The following RNF38 variants were observed in gnomAD, a reference collection of about 807,000 sequenced individuals.
The protein encoded by RNF38 is E3 ubiquitin-protein ligase RNF38.
Under a neutral mutation model 67.2 loss-of-function variants are expected in RNF38, and 15 were observed. The observed-to-expected ratio is 0.22, with a 90% CI of 0.15 to 0.34. RNF38 has a LOEUF of 0.34. Among genes scored for constraint, RNF38 ranks in the 10% least tolerant of loss-of-function variants. The pLI is 1.00. For synonymous variants in RNF38, 220 were observed against 218.8 expected (o/e 1.01, Z -0.05); for missense variants, 524 against 639.9 (o/e 0.82, Z 1.95).
chr9:36,370,859 A>C (rs1414127203), intron 3 of RNF38, among the ~76,000 whole-genome samples: 2 of 152,080 alleles, frequency 1.3e-5, no homozygotes, highest in Admixed American at 6.5e-5. Flanking sequence ...TAGTGAGCTG[A>C]GATCACGCCA....
At chr9:36,483,329 T>C (rs1384029854) in intron 1 of RNF38, among the ~76,000 whole-genome samples, 3 of 151,928 alleles carry the variant, frequency 2.0e-5, no homozygotes, top group Non-Finnish European at 4.4e-5. Flanking sequence ...GAGGCTGCAG[T>C]GAGCCGAGAT....
rs1465948869 is a variant in RNF38 at position 36,356,442 on chromosome 9, G to C, written c.770C>G (p.Pro257Arg). Residue 257 changes from proline to arginine, a missense_variant, in exon 6 of 12, where the codon CCA becomes CGA. Physicochemically the swap from Pro to Arg is moderately radical, Grantham distance 103. Transcript: ENST00000259605. ...GGGTGGGAATGCAGCATATGGTACT[G>C]GTAAGTGCTGAACTGAACATGCCTG... ...MLQACSVQHL[P>R]VPYAAFPPLI... is the part of the protein sequence containing the mutation. 6.2e-7 allele frequency: 1 copy of C among 1,612,574 alleles called. No homozygotes were observed. The highest frequency in any genetic ancestry group is 8.5e-7 in the Non-Finnish European group (1 of 1,179,330).
intron 4 of RNF38, among the ~76,000 whole-genome samples, chr9:36,365,210 G>A (rs755850938): frequency 1.6e-4 from 19 of 120,630 alleles, no homozygotes; most frequent in South Asian, 9.5e-4. Context: ...ATTATGTGCC[G>A]CTTTTAAGAA....
chr9:36,479,931 C>T (rs562567491), intron 1 of RNF38, among the ~76,000 whole-genome samples: 183 of 152,252 alleles, frequency 1.2e-3, no homozygotes, highest in Non-Finnish European at 2.1e-3. Context: ...AAGACCCTGT[C>T]TCTTTAAGTA....
chr9:36,443,937 C>A (rs751441527), intron 1 of RNF38, among the ~76,000 whole-genome samples: 8 of 152,162 alleles, frequency 5.3e-5, no homozygotes, highest in Admixed American at 1.3e-4. Flanking sequence ...AGTCACTCGA[C>A]AGAACCAAGC....
At chr9:36,449,299 C>T (rs1350571136) in intron 1 of RNF38, among the ~76,000 whole-genome samples, 2 of 151,936 alleles carry the variant, frequency 1.3e-5, no homozygotes, top group African/African-American at 4.8e-5. Context: ...GGTATGGTAG[C>T]ACACACCTAT....
Position 36,390,854 on chromosome 9 carries a change from C to G in RNF38, c.13-238G>C, listed in dbSNP as rs1002833995. Among the ~76,000 whole-genome samples, 4 of 152,342 alleles carry G rather than the reference C, an allele frequency of 2.6e-5. No homozygotes were observed. The South Asian group carries it at 6.2e-4, about 24-fold the overall frequency. On this transcript the variant is annotated intron_variant, in intron 1 of 11. Transcript: ENST00000259605. ...AAAACAGCACAGCCCAAGAACACCA[C>G]GTCCTTCCTGTTTCCCAAATACCTA...
intron 4 of RNF38, among the ~76,000 whole-genome samples, chr9:36,365,489 A>C (rs1348443710): frequency 1.3e-5 from 2 of 151,960 alleles, no homozygotes; most frequent in African/African-American, 4.8e-5. Flanking sequence ...AATCGCTTGA[A>C]ATGGAAAGGT....
chr9:36,393,354 G>A (rs1281528591), intron 1 of RNF38, among the ~76,000 whole-genome samples: 1 of 152,080 alleles, frequency 6.6e-6, no homozygotes, highest in African/African-American at 2.4e-5. Context: ...GTCTTAAAAA[G>A]GATGGACCAA....
At chr9:36,387,620 C>T (rs1450513938) in intron 2 of RNF38, among the ~76,000 whole-genome samples, 1 of 152,016 alleles carries the variant, frequency 6.6e-6, no homozygotes, top group Non-Finnish European at 1.5e-5. Context: ...AACCTATATG[C>T]TAAAAAAGTA....
At chr9:36,390,371 G>A in intron 2 of RNF38, 96 bp downstream of exon 2, 1 of 1,024,144 alleles carries the variant, frequency 9.8e-7, no homozygotes, top group South Asian at 2.1e-5. Context: ...CAGAAAACAA[G>A]GAGACGATAT....
At chr9:36,418,971 A>G (rs1838547756) in intron 2 of RNF38, among the ~76,000 whole-genome samples, 1 of 152,202 alleles carries the variant, frequency 6.6e-6, no homozygotes, top group Non-Finnish European at 1.5e-5. Context: ...TCAAAAATAA[A>G]CAAATAAATA....
intron 10 of RNF38, among the ~76,000 whole-genome samples, chr9:36,342,636 T>G (rs1267567152): frequency 6.6e-6 from 1 of 152,168 alleles, no homozygotes; most frequent in Non-Finnish European, 1.5e-5. Context: ...CTAGTTAACA[T>G]CAAGTCAATC....
At chr9:36,393,311 C>T (rs1837250517) in intron 1 of RNF38, among the ~76,000 whole-genome samples, 1 of 152,164 alleles carries the variant, frequency 6.6e-6, no homozygotes, top group Non-Finnish European at 1.5e-5. Context: ...CTCTCCTACT[C>T]ACAACAGTTT....
chr9:36,458,929 T>C (rs1166524025), intron 1 of RNF38, among the ~76,000 whole-genome samples: 2 of 152,182 alleles, frequency 1.3e-5, no homozygotes, highest in African/African-American at 2.4e-5. Flanking sequence ...GATTGCCCTC[T>C]GGCTGGACGC....
At chr9:36,456,735 G>A (rs910985771) in intron 1 of RNF38, among the ~76,000 whole-genome samples, 3 of 151,988 alleles carry the variant, frequency 2.0e-5, no homozygotes, top group African/African-American at 4.8e-5. Flanking sequence ...ACAAATACCC[G>A]TTATCTCCCT....
At chr9:36,341,640 G>T (rs887270475) in intron 11 of RNF38, among the ~76,000 whole-genome samples, 1 of 151,880 alleles carries the variant, frequency 6.6e-6, no homozygotes, top group Admixed American at 6.6e-5. Flanking sequence ...GGGAGGCTGA[G>T]GTGGGAGGAT....
At chr9:36,404,528 T>C (rs1290500415), upstream of RNF38, among the ~76,000 whole-genome samples, 4 of 152,218 alleles carry the variant, frequency 2.6e-5, no homozygotes, top group Non-Finnish European at 5.9e-5. Flanking sequence ...TTAAGGAATA[T>C]AGGAAGATTA....
chr9:36,444,683 C>A (rs1839262299), intron 1 of RNF38, among the ~76,000 whole-genome samples: 1 of 151,974 alleles, frequency 6.6e-6, no homozygotes, highest in Non-Finnish European at 1.5e-5. Flanking sequence ...ACCTATAGTC[C>A]CAGCTACTTG....
Sources: gnomAD v4.1 joint callset for allele counts (sites outside exome capture counted in the v4.1 genomes callset) on GRCh38, gnomAD v4.1.1 for gene constraint, MANE v1.5 for transcripts, NCBI Gene and HGNC (gene_info 2026-07-23, HGNC 2026-07-21) for gene names.